Variants in CDCA7L observed in about 807,000 individuals in gnomAD.
CDCA7L encodes the protein cell division cycle-associated 7-like protein.
Under a neutral mutation model 57.4 loss-of-function variants are expected in CDCA7L, and 44 were observed. That is an observed-to-expected ratio of 0.77 (90% CI 0.60 to 0.98). The LOEUF (loss-of-function observed/expected upper bound fraction) is 0.98, where lower values mean the gene tolerates loss of function less well. Ranked by LOEUF, CDCA7L falls within the 50% of genes least tolerant of loss-of-function variation. The pLI is 0.00. For synonymous variants in CDCA7L, 236 were observed against 202.8 expected (o/e 1.16, Z -1.39); for missense variants, 644 against 580.6 (o/e 1.11, Z -1.12).
chr7:21,929,654 A>AAAAAAC (rs1785944677), intron 1 of CDCA7L, among the ~76,000 whole-genome samples: 2 of 143,366 alleles, frequency 1.4e-5, no homozygotes, highest in African/African-American at 5.0e-5. Flanking sequence ...AAAAAAAAAA[A>AAAAAAC]AAGCAGGGAT....
At chr7:21,916,514 TAAAAAAAAAAAAAAA>T (rs71557529) in intron 2 of CDCA7L, among the ~76,000 whole-genome samples, 3 of 105,150 alleles carry the variant, frequency 2.9e-5, no homozygotes, top group Non-Finnish European at 3.8e-5. Context: ...TCCCTTTATT[TAAAAAAAAAAAAAAA>T]AAAAAAAAAG....
chr7:21,920,973 T>C (rs113616924), intron 1 of CDCA7L, among the ~76,000 whole-genome samples: 1,636 of 152,328 alleles, frequency 0.011, 12 homozygotes, highest in Middle Eastern at 0.017. Flanking sequence ...CAGAAGCTTC[T>C]TTTAACATAA....
At position 21,908,479 on chromosome 7, in the gene CDCA7L, C is replaced by A; in HGVS notation, c.332G>T (p.Gly111Val). The change falls in exon 4 of 10, where the codon GGC (glycine) becomes GTC (valine). Residue 111 changes from glycine to valine, a missense_variant. Physicochemically the swap from Gly to Val is moderately radical, Grantham distance 109. Coordinates refer to ENST00000406877, the MANE Select transcript of CDCA7L (RefSeq NM_018719.5). ...TTCCTCGCTCACCAAAGATGCTTTG[C>A]CATCATCACTCAAATCTGACTCCAC... Reference protein sequence around the residue: ...MVVESDLSDDGKASLVSEEEE... With the variant: ...MVVESDLSDDVKASLVSEEEE... The A allele has an allele frequency of 6.5e-7, 1 of 1,540,188 alleles. No individual in the cohort carries two copies. The highest frequency in any genetic ancestry group is 8.7e-7 in the Non-Finnish European group (1 of 1,150,318).
intron 1 of CDCA7L, among the ~76,000 whole-genome samples, chr7:21,937,052 G>C (rs1343503088): frequency 6.6e-6 from 1 of 152,064 alleles, no homozygotes; most frequent in South Asian, 2.1e-4. Context: ...ATTTACAATG[G>C]CATCAGAATA....
In CDCA7L at chr7:21,902,333, C is replaced by T. The variant is rs569049138; in HGVS notation, c.1354G>A (p.Glu452Lys). ...TGTTTGTTTTCCTCTTAATTGTCTT[C>T]TACCAGCTCCTTTTGTAAGCTGGGA... ...YLESLQKELV[E>K]DN The change falls in exon 10 of 10, where the codon GAA (glutamate) becomes AAA (lysine). Residue 452 changes from glutamate to lysine, a missense_variant. Coordinates refer to ENST00000406877, the MANE Select transcript of CDCA7L (RefSeq NM_018719.5). 4 of 1,613,866 alleles carry T rather than the reference C, an allele frequency of 2.5e-6. No individual in the cohort carries two copies. Among genetic ancestry groups the T allele is most frequent in the Admixed American group, 3.3e-5 (2 of 59,990 alleles).
At chr7:21,937,704 T>C (rs933223439) in intron 1 of CDCA7L, among the ~76,000 whole-genome samples, 4 of 151,692 alleles carry the variant, frequency 2.6e-5, no homozygotes, top group East Asian at 3.9e-4. Context: ...CAATACTTAC[T>C]ACAAAGCTAT....
At chr7:21,916,223 A>T (rs1473120190) in intron 2 of CDCA7L, among the ~76,000 whole-genome samples, 1 of 152,154 alleles carries the variant, frequency 6.6e-6, no homozygotes, top group Non-Finnish European at 1.5e-5. Context: ...TACTACTAGG[A>T]CACAATGTGA....
chr7:21,945,664 G>A, intron 1 of CDCA7L, 117 bp downstream of exon 1: 2 of 1,314,180 alleles, frequency 1.5e-6, no homozygotes, highest in Admixed American at 2.2e-5. Context: ...GGGCGCGCCA[G>A]ATCCCCAGTG....
intron 9 of CDCA7L, chr7:21,902,738 A>T (rs143298523): frequency 0.017 from 8,527 of 508,722 alleles, 115 homozygotes; most frequent in Non-Finnish European, 0.02. Context: ...CTCAAGGAGA[A>T]ATTTTGGTTA....
chr7:21,908,293 T>C lies in CDCA7L; in HGVS notation c.518A>G (p.Gln173Arg), dbSNP rs1562622649. Reference sequence around the variant, plus strand: ...TTCAAGAATTGTTTTTTTCTCATTCTGTAAGCGTGCGCTAGAAAACAACTG... The same window carrying C: ...TTCAAGAATTGTTTTTTTCTCATTCCGTAAGCGTGCGCTAGAAAACAACTG... ...SEQLFSSARLQNEKKTILERK... is the reference protein window; with the variant it reads ...SEQLFSSARLRNEKKTILERK... The change falls in exon 4 of 10, where the codon CAG becomes CGG. Residue 173 changes from glutamine to arginine, a missense_variant. Gln to Arg is a conservative substitution (Grantham distance 43, BLOSUM62 1). Transcript: ENST00000406877. 23 of 1,612,428 alleles carry C rather than the reference T, an allele frequency of 1.4e-5. No individual in the cohort carries two copies. In the East Asian group the frequency reaches 4.9e-4, roughly 34 times the overall value.
At chr7:21,904,563 G>A (rs1266400980) in intron 7 of CDCA7L, among the ~76,000 whole-genome samples, 2 of 152,148 alleles carry the variant, frequency 1.3e-5, no homozygotes, top group Non-Finnish European at 2.9e-5. Context: ...ATTCTCATAG[G>A]AGCACAAACC....
intron 2 of CDCA7L, among the ~76,000 whole-genome samples, chr7:21,913,767 C>T (rs1165308029): frequency 6.6e-6 from 1 of 152,228 alleles, no homozygotes; most frequent in African/African-American, 2.4e-5. Flanking sequence ...GTGCTGGCCT[C>T]CCAGGGCAAT....
At chr7:21,941,029 C>T (rs6651057) in intron 1 of CDCA7L, among the ~76,000 whole-genome samples, 85,156 of 151,936 alleles carry the variant, frequency 0.56, 24,685 homozygotes, top group Admixed American at 0.65. Flanking sequence ...TATAGCGCAA[C>T]AAAAGGGGAA....
intron 2 of CDCA7L, among the ~76,000 whole-genome samples, chr7:21,916,427 T>C (rs1186453032): frequency 6.7e-6 from 1 of 148,734 alleles, no homozygotes; most frequent in Non-Finnish European, 1.5e-5. Flanking sequence ...CTCGCCTCTG[T>C]GGGAAGACCC....
In CDCA7L at chr7:21,902,205, T is replaced by C; in HGVS notation, c.*117A>G. On this transcript the variant is annotated 3_prime_UTR_variant, in exon 10 of 10. Transcript: ENST00000406877. ...ATCTTTAACAAAAAATAGTAATTTC[T>C]ACAAAGAATTTCTGTATAAAAACAC... is the stretch of plus-strand genomic sequence containing the variant. 6.1e-6 allele frequency: 6 copies of C among 987,938 alleles called. No homozygotes were observed. The highest frequency in any genetic ancestry group is 9.6e-6 in the Non-Finnish European group (6 of 626,044). 61.2% of individuals were successfully genotyped at this position (987,938 alleles called of 1,614,324 possible). A position where few individuals can be genotyped will look rare whatever the true frequency, so the allele number is the denominator to read the frequency against.
At chr7:21,908,676 G>T (rs1785217913) in intron 3 of CDCA7L, among the ~76,000 whole-genome samples, 169 bp from the exon 4 acceptor site, 1 of 152,130 alleles carries the variant, frequency 6.6e-6, no homozygotes, top group South Asian at 2.1e-4. Context: ...CAAGAAATTG[G>T]TTGATGAATA....
At position 21,902,114 on chromosome 7, in the gene CDCA7L, GCATACATCTA is replaced by G. The variant is rs1176495721; in HGVS notation, c.*198_*207del. ...AAGTTCAGCATACAGACAGGTCTGTGCATACATCTATATAGATTCCTCTGCTCTGCTGTCT... is the reference window on the plus strand; with the variant it reads ...AAGTTCAGCATACAGACAGGTCTGTGTATAGATTCCTCTGCTCTGCTGTCT... On this transcript the variant is annotated 3_prime_UTR_variant, in exon 10 of 10. Coordinates refer to ENST00000406877, the MANE Select transcript of CDCA7L (RefSeq NM_018719.5). 1 of 604,772 alleles carries G rather than the reference GCATACATCTA, an allele frequency of 1.7e-6. No individual in the cohort carries two copies. The highest frequency in any genetic ancestry group is 3.0e-6 in the Non-Finnish European group (1 of 337,786). 37.5% of individuals were successfully genotyped at this position (604,772 alleles called of 1,614,324 possible).
At chr7:21,924,075 A>C (rs1053487650) in intron 1 of CDCA7L, among the ~76,000 whole-genome samples, 21 of 152,352 alleles carry the variant, frequency 1.4e-4, no homozygotes, top group Non-Finnish European at 1.8e-4. Context: ...TTAAAACTTT[A>C]TATTGTGAAA....
intron 1 of CDCA7L, among the ~76,000 whole-genome samples, chr7:21,920,548 C>T (rs1785619281): frequency 6.6e-6 from 1 of 152,146 alleles, no homozygotes; most frequent in Admixed American, 6.5e-5. Flanking sequence ...ACTTTCCCAC[C>T]ATCTAATAAA....
Sources: gnomAD v4.1 joint callset for allele counts (sites outside exome capture counted in the v4.1 genomes callset) on GRCh38, gnomAD v4.1.1 for gene constraint, MANE v1.5 for transcripts, NCBI Gene and HGNC (gene_info 2026-07-23, HGNC 2026-07-21) for gene names.